The following NPAS3 variants were observed in gnomAD, a reference collection of about 807,000 sequenced individuals.
NPAS3 encodes neuronal PAS domain protein 3.
Under a neutral mutation model 73.1 loss-of-function variants are expected in NPAS3, and 14 were observed. That is an observed-to-expected ratio of 0.19 (90% CI 0.13 to 0.30). NPAS3 has a LOEUF of 0.30. Ranked by LOEUF, NPAS3 falls within the 10% of genes least tolerant of loss-of-function variation. NPAS3 has a pLI of 1.00. For missense variants in NPAS3, 1,096 were observed against 1,250.0 expected (o/e 0.88, Z 1.86); for synonymous variants, 620 against 541.5 (o/e 1.14, Z -2.01).
chr14:32,994,930 C>A (rs2038504943), intron 1 of NPAS3, among the ~76,000 whole-genome samples: 1 of 152,160 alleles, frequency 6.6e-6, no homozygotes, highest in Non-Finnish European at 1.5e-5. Context: ...CTGCACCCAG[C>A]CCATTCTAGT....
At chr14:33,629,091 C>T (rs953651560) in intron 5 of NPAS3, among the ~76,000 whole-genome samples, 4 of 152,020 alleles carry the variant, frequency 2.6e-5, no homozygotes, top group Admixed American at 6.5e-5. Flanking sequence ...AAAAAATAGC[C>T]AGGCGTGGTG....
intron 6 of NPAS3, among the ~76,000 whole-genome samples, chr14:33,683,494 T>TATTTC (rs1237807483): frequency 6.8e-6 from 1 of 147,926 alleles, no homozygotes; most frequent in Non-Finnish European, 1.5e-5. Context: ...TTATAAATTC[T>TATTTC]ATTTCTATAG....
intron 3 of NPAS3, among the ~76,000 whole-genome samples, chr14:33,277,605 G>A (rs1312869086): frequency 1.3e-5 from 2 of 152,144 alleles, no homozygotes; most frequent in Non-Finnish European, 2.9e-5. Context: ...TCTCTGAGAG[G>A]CAACATTTAA....
chr14:32,973,431 G>A (rs75425471), intron 1 of NPAS3, among the ~76,000 whole-genome samples: 8,432 of 151,932 alleles, frequency 0.055, 337 homozygotes, highest in South Asian at 0.12. Context: ...TTTGAAAACA[G>A]TGTTCCAAGT....
At chr14:33,547,852 G>A (rs2054919106) in intron 4 of NPAS3, among the ~76,000 whole-genome samples, 1 of 152,088 alleles carries the variant, frequency 6.6e-6, no homozygotes, top group African/African-American at 2.4e-5. Context: ...CAGTTGTCAG[G>A]GGGATTCATT....
At chr14:33,304,930 TC>T (rs1207428970) in intron 3 of NPAS3, among the ~76,000 whole-genome samples, 11 of 152,276 alleles carry the variant, frequency 7.2e-5, no homozygotes, top group African/African-American at 2.6e-4. Flanking sequence ...ATTTCAGATA[TC>T]CTAAGCAGCT....
At chr14:33,115,442 A>G (rs1329183632) in intron 2 of NPAS3, among the ~76,000 whole-genome samples, 1 of 152,108 alleles carries the variant, frequency 6.6e-6, no homozygotes, top group Admixed American at 6.5e-5. Context: ...AAAATTCACA[A>G]GGTGAGCATA....
chr14:33,706,137 C>T (rs534045239), intron 6 of NPAS3, among the ~76,000 whole-genome samples: 3 of 152,330 alleles, frequency 2.0e-5, no homozygotes, highest in African/African-American at 7.2e-5. Flanking sequence ...ATAAAAGCTT[C>T]CCTCTCCTTT....
intron 4 of NPAS3, among the ~76,000 whole-genome samples, chr14:33,402,515 G>C (rs1358938017): frequency 6.6e-6 from 1 of 152,052 alleles, no homozygotes; most frequent in South Asian, 2.1e-4. Context: ...TTGGCTGGCA[G>C]GCCTGAAGAG....
In NPAS3 at chr14:33,656,094, C is replaced by T. The variant is rs932965562; in HGVS notation, c.559-20117C>T. On this transcript the variant is annotated intron_variant, in intron 5 of 11. Coordinates refer to ENST00000356141, the Ensembl canonical transcript of NPAS3. The stretch of plus-strand genomic sequence containing the variant: ...CTGAAGCAAAAAATAAGTTTAGTAT[C>T]GAATTTCTGTTCAGTCAGACTTTCC... Among the ~76,000 whole-genome samples the T allele has an allele frequency of 5.3e-5, 8 of 152,164 alleles. No homozygotes were observed. In the East Asian group the frequency reaches 1.4e-3, roughly 26 times the overall value.
chr14:33,656,551 A>G (rs2059150287), intron 5 of NPAS3, among the ~76,000 whole-genome samples: 1 of 152,198 alleles, frequency 6.6e-6, no homozygotes. Flanking sequence ...GGAATGTGAC[A>G]CAGACTGATT....
intron 5 of NPAS3, among the ~76,000 whole-genome samples, chr14:33,616,889 G>C (rs2057936077): frequency 6.6e-6 from 1 of 152,192 alleles, no homozygotes; most frequent in Non-Finnish European, 1.5e-5. Context: ...TCTGTCAAGT[G>C]AGGAAAAGAA....
At chr14:33,214,417 C>T (rs1213470671) in intron 2 of NPAS3, 1 of 152,098 alleles carries the variant, frequency 6.6e-6, no homozygotes, top group Non-Finnish European at 1.5e-5. Flanking sequence ...TTTAATAACC[C>T]ATACAGCGCT....
chr14:33,730,071 C>T (rs955845564), intron 6 of NPAS3, among the ~76,000 whole-genome samples: 1 of 151,970 alleles, frequency 6.6e-6, no homozygotes, highest in East Asian at 1.9e-4. Flanking sequence ...TAATAATATA[C>T]CCAGAATAAA....
intron 2 of NPAS3, among the ~76,000 whole-genome samples, chr14:33,167,238 G>A (rs1418980394): frequency 1.3e-5 from 2 of 152,144 alleles, no homozygotes; most frequent in Admixed American, 6.5e-5. Flanking sequence ...CAGAGGGGCC[G>A]TGATCAGCTT....
chr14:33,011,372 CAG>C (rs1191847322), intron 1 of NPAS3, among the ~76,000 whole-genome samples: 1 of 152,170 alleles, frequency 6.6e-6, no homozygotes, highest in African/African-American at 2.4e-5. Flanking sequence ...CATCCCATCA[CAG>C]GGCACATTCA....
chr14:33,784,745 A>ATTTATTTTTTTTATTTTTTTT (rs1471526546), intron 9 of NPAS3, among the ~76,000 whole-genome samples: 8 of 73,860 alleles, frequency 1.1e-4, no homozygotes, highest in African/African-American at 4.4e-4. Context: ...TTATTTATTT[A>ATTTATTTTTTTTATTTTTTTT]TTTTTTTTTT....
At chr14:32,953,305 C>G (rs561248203) in intron 1 of NPAS3, among the ~76,000 whole-genome samples, 9 of 152,182 alleles carry the variant, frequency 5.9e-5, no homozygotes, top group African/African-American at 2.2e-4. Context: ...ACCCTTTCCC[C>G]CTCCTGCAAC....
intron 1 of NPAS3, among the ~76,000 whole-genome samples, chr14:32,994,871 A>T (rs1195213777): frequency 2.0e-5 from 3 of 152,174 alleles, no homozygotes; most frequent in Admixed American, 6.5e-5. Context: ...ACCTCAGGTG[A>T]TCCACCCGCC....
Sources: gnomAD v4.1 joint callset for allele counts (sites outside exome capture counted in the v4.1 genomes callset) on GRCh38, gnomAD v4.1.1 for gene constraint, MANE v1.5 for transcripts, NCBI Gene and HGNC (gene_info 2026-07-23, HGNC 2026-07-21) for gene names.